The following PTPRZ1 variants were observed in gnomAD, a reference collection of about 807,000 sequenced individuals.
PTPRZ1 encodes the protein receptor-type tyrosine-protein phosphatase zeta.
PTPRZ1 carries 82 observed loss-of-function variants against 214.1 expected under a neutral mutation model. The observed-to-expected ratio is 0.38, with a 90% CI of 0.32 to 0.46. The LOEUF (loss-of-function observed/expected upper bound fraction) is 0.46, where lower values mean the gene tolerates loss of function less well. Among genes scored for constraint, PTPRZ1 ranks in the 20% least tolerant of loss-of-function variants. The probability of loss-of-function intolerance (pLI) is 1.00; values close to 1 mark genes in which losing one functional copy is unlikely to be tolerated. For missense variants in PTPRZ1, 2,603 were observed against 2,748.7 expected (o/e 0.95, Z 1.19); for synonymous variants, 945 against 987.9 (o/e 0.96, Z 0.81).
intron 1 of PTPRZ1, among the ~76,000 whole-genome samples, chr7:121,882,670 T>C (rs1562999215): frequency 6.6e-6 from 1 of 152,194 alleles, no homozygotes; most frequent in Non-Finnish European, 1.5e-5. Flanking sequence ...TAGATCTCTT[T>C]ATTTCAGGAA....
At chr7:122,035,313 AT>A (rs1799502962) in intron 17 of PTPRZ1, among the ~76,000 whole-genome samples, 1 of 152,040 alleles carries the variant, frequency 6.6e-6, no homozygotes, top group Admixed American at 6.6e-5. Context: ...ACTAATTTTT[AT>A]TTTTTAGTAG....
In PTPRZ1 at chr7:122,011,090, C is replaced by T. The variant is rs760942438; in HGVS notation, c.2044C>T (p.Arg682Cys). ...TCTCCAGACTAATTACACTGAGATA[C>T]GTGTTGATGAATCTGAGAAGACAAC... ...SFLQTNYTEI[R>C]VDESEKTTKS... The change falls in exon 12 of 30, where the codon CGT (arginine) becomes TGT (cysteine). Residue 682 changes from arginine to cysteine, a missense_variant. Around this residue, in one of 6 missense-constraint regions of PTPRZ1, gnomAD observed 1,913 missense variants for 1,914.3 expected, o/e 1.00. Transcript: ENST00000393386. 45 of 1,613,964 alleles carry T rather than the reference C, an allele frequency of 2.8e-5. No individual in the cohort carries two copies. Among genetic ancestry groups the T allele is most frequent in the South Asian group, 1.2e-4 (11 of 91,074 alleles).
intron 2 of PTPRZ1, among the ~76,000 whole-genome samples, chr7:121,948,980 T>C (rs1042921563): frequency 3.3e-5 from 5 of 152,106 alleles, no homozygotes; most frequent in Non-Finnish European, 7.4e-5. Context: ...GGGTTGAGGA[T>C]GCAAGCCCAT....
At chr7:121,976,314 C>A in intron 5 of PTPRZ1, 46 bp downstream of exon 5, 1 of 1,161,144 alleles carries the variant, frequency 8.6e-7, no homozygotes. Flanking sequence ...TTTTAAGTCA[C>A]ATTAAATATT....
intron 12 of PTPRZ1, 37 bp from the exon 13 acceptor site, chr7:122,019,087 C>T: frequency 3.2e-6 from 5 of 1,554,224 alleles, no homozygotes; most frequent in Non-Finnish European, 3.5e-6. Flanking sequence ...TTTCCTTCAC[C>T]TTAAATATCA....
chr7:121,933,153 G>GAAAAAAAA (rs35284916), intron 2 of PTPRZ1, among the ~76,000 whole-genome samples: 2 of 132,798 alleles, frequency 1.5e-5, no homozygotes, highest in Non-Finnish European at 1.6e-5. Flanking sequence ...ACAGTTCAGT[G>GAAAAAAAA]AAAAAAAAAA....
chr7:122,018,066 ATTAC>A (rs1186351735), intron 12 of PTPRZ1, among the ~76,000 whole-genome samples: 1 of 152,208 alleles, frequency 6.6e-6, no homozygotes, highest in Non-Finnish European at 1.5e-5. Flanking sequence ...TCTGTCTCCT[ATTAC>A]TTAAGCATCA....
chr7:121,917,689 G>C (rs1044988565), intron 1 of PTPRZ1, among the ~76,000 whole-genome samples: 1 of 152,044 alleles, frequency 6.6e-6, no homozygotes, highest in Non-Finnish European at 1.5e-5. Flanking sequence ...TTTACTTACA[G>C]TAAAAATATA....
At chr7:122,061,006 A>T in intron 29 of PTPRZ1, 74 bp from the exon 30 acceptor site, 1 of 1,435,650 alleles carries the variant, frequency 7.0e-7, no homozygotes, top group Non-Finnish European at 9.4e-7. Flanking sequence ...TGTGTCTAAA[A>T]ATATTTCTTC....
chr7:122,034,716 T>A (rs1799486052), intron 17 of PTPRZ1, among the ~76,000 whole-genome samples: 1 of 152,198 alleles, frequency 6.6e-6, no homozygotes, highest in Admixed American at 6.6e-5. Context: ...AGGATTTGCT[T>A]ACTCTTATGT....
chr7:121,935,544 TTTTGTTTG>T (rs200251497), intron 2 of PTPRZ1, among the ~76,000 whole-genome samples: 50,985 of 130,884 alleles, frequency 0.39, 9,262 homozygotes, highest in African/African-American at 0.53. Context: ...TTGGGGTTTT[TTTTGTTTG>T]TTTGTTTGTT....
intron 3 of PTPRZ1, among the ~76,000 whole-genome samples, chr7:121,971,186 T>C (rs1797234712): frequency 6.6e-6 from 1 of 152,222 alleles, no homozygotes. Flanking sequence ...ACCAGTACCA[T>C]ACTGTTTTGG....
At chr7:122,025,330 CTT>C (rs766588678) in intron 13 of PTPRZ1, among the ~76,000 whole-genome samples, 12 of 132,834 alleles carry the variant, frequency 9.0e-5, no homozygotes, top group Non-Finnish European at 9.8e-5. Flanking sequence ...CTTTTTTTTT[CTT>C]TTTTTTTTTT....
chr7:122,001,893 G>T (rs557140055), intron 10 of PTPRZ1, among the ~76,000 whole-genome samples: 114 of 152,164 alleles, frequency 7.5e-4, no homozygotes, highest in Non-Finnish European at 1.5e-3. Context: ...AGCCTTTATG[G>T]AGTCTATTTT....
chr7:122,039,589 G>A lies in PTPRZ1; in HGVS notation c.5637+1G>A. 1 of 1,613,084 alleles carries A rather than the reference G, an allele frequency of 6.2e-7. No homozygotes were observed. Among genetic ancestry groups the A allele is most frequent in the Non-Finnish European group, 8.5e-7 (1 of 1,179,790 alleles). Reference sequence around the variant, plus strand: ...TCTAAGAAACACAAAAATAAAAAAGGTGAGTCAACAAAATGATGGGCATAA... The same window carrying A: ...TCTAAGAAACACAAAAATAAAAAAGATGAGTCAACAAAATGATGGGCATAA... On this transcript the variant is annotated splice_donor_variant, in intron 20 of 29. Transcript: ENST00000393386. LOFTEE classifies it high-confidence loss of function.
chr7:121,971,770 G>T (rs1797258001), intron 3 of PTPRZ1, among the ~76,000 whole-genome samples: 1 of 152,108 alleles, frequency 6.6e-6, no homozygotes, highest in South Asian at 2.1e-4. Context: ...ATCCCTAGCT[G>T]GCTGGCCAAT....
chr7:121,912,488 C>T (rs1175432845), intron 1 of PTPRZ1, among the ~76,000 whole-genome samples: 1 of 152,144 alleles, frequency 6.6e-6, no homozygotes, highest in East Asian at 1.9e-4. Flanking sequence ...AGAAGAGAGA[C>T]ATACAGGTGT....
chr7:121,986,547 C>A (rs373761671), intron 8 of PTPRZ1, among the ~76,000 whole-genome samples: 6 of 152,060 alleles, frequency 3.9e-5, no homozygotes, highest in African/African-American at 1.4e-4. Flanking sequence ...CATGATAGGA[C>A]CTATAAAGTA....
intron 3 of PTPRZ1, among the ~76,000 whole-genome samples, chr7:121,970,982 A>G (rs1459401037): frequency 6.6e-6 from 1 of 152,210 alleles, no homozygotes; most frequent in African/African-American, 2.4e-5. Flanking sequence ...TTTTTGTATA[A>G]GGTGTAAGGA....
Sources: allele counts gnomAD v4.1 joint callset (sites outside exome capture counted in the v4.1 genomes callset), GRCh38; gene constraint gnomAD v4.1.1; regional missense constraint gnomAD v4.1.1; transcripts MANE v1.5; gene names NCBI Gene and HGNC (gene_info 2026-07-23, HGNC 2026-07-21).